SRPK2: variants seen among roughly 807,000 people sequenced by gnomAD.
The protein encoded by SRPK2 is SFRS protein kinase 2.
In SRPK2, 21 loss-of-function variants were observed where a neutral mutation model predicts 90.8. That is an observed-to-expected ratio of 0.23 (90% CI 0.16 to 0.33). The LOEUF is 0.33. SRPK2 is among the 10% of genes least tolerant of loss of function. SRPK2 has a pLI of 1.00. For synonymous variants in SRPK2, 288 were observed against 311.1 expected (o/e 0.93, Z 0.78); for missense variants, 620 against 869.0 (o/e 0.71, Z 3.60).
At chr7:105,292,827 G>A (rs1450587994) in intron 2 of SRPK2, among the ~76,000 whole-genome samples, 2 of 152,192 alleles carry the variant, frequency 1.3e-5, no homozygotes, top group African/African-American at 2.4e-5. Context: ...GCACTTGAAT[G>A]TTTATGAGTT....
intron 3 of SRPK2, among the ~76,000 whole-genome samples, chr7:105,188,145 A>G (rs1439110039): frequency 1.3e-5 from 2 of 152,276 alleles, no homozygotes; most frequent in Non-Finnish European, 2.9e-5. Flanking sequence ...CTGCTGTGAT[A>G]CATCCAGAAA....
At chr7:105,196,122 A>T (rs1794883178) in intron 3 of SRPK2, among the ~76,000 whole-genome samples, 1 of 152,210 alleles carries the variant, frequency 6.6e-6, no homozygotes, top group African/African-American at 2.4e-5. Context: ...AGGAGTCAGA[A>T]TCTCCTTGGT....
At position 105,303,631 on chromosome 7, in the gene SRPK2, T is replaced by A. The variant is rs560329521; in HGVS notation, c.71+85017A>T. ...TTAAGGAGGTTATGGCTGATGTCCATCCTGGCAGCATTATACACTGAAAAA... is the reference window on the plus strand; with the variant it reads ...TTAAGGAGGTTATGGCTGATGTCCAACCTGGCAGCATTATACACTGAAAAA... On this transcript the variant is annotated intron_variant, in intron 2 of 15. Transcript: ENST00000393651. 3.9e-5 allele frequency among the ~76,000 whole-genome samples: 6 copies of A among 152,100 alleles called. No individual in the cohort carries two copies. In the East Asian group the frequency reaches 1.2e-3, roughly 29 times the overall value.
chr7:105,261,031 A>AAAAC (rs1804180259), intron 2 of SRPK2, among the ~76,000 whole-genome samples: 2 of 151,502 alleles, frequency 1.3e-5, no homozygotes, highest in Non-Finnish European at 3.0e-5. Context: ...TTAAAAAAAA[A>AAAAC]AAAAAAAAAA....
At chr7:105,322,490 G>A (rs903953052) in intron 2 of SRPK2, among the ~76,000 whole-genome samples, 1 of 152,172 alleles carries the variant, frequency 6.6e-6, no homozygotes, top group Non-Finnish European at 1.5e-5. Flanking sequence ...AAAAGGTCAT[G>A]TGTTATATAA....
intron 2 of SRPK2, among the ~76,000 whole-genome samples, chr7:105,344,820 G>A (rs543532940): frequency 6.8e-6 from 1 of 147,140 alleles, no homozygotes; most frequent in East Asian, 2.0e-4. Flanking sequence ...AAGCCATTCA[G>A]GTTCACCCAC....
chr7:105,304,395 A>G lies in SRPK2; in HGVS notation c.71+84253T>C, dbSNP rs1035088508. 3.0e-4 allele frequency: 45 copies of G among 152,252 alleles called. 1 individual carries two copies. The highest frequency in any genetic ancestry group is 9.2e-4 in the African/African-American group (38 of 41,474). 9.4% of individuals were successfully genotyped at this position (152,252 alleles called of 1,614,324 possible). A position where few individuals can be genotyped will look rare whatever the true frequency, so the allele number is the denominator to read the frequency against. ...TGACCAATGAACATATTCAAATCCT[A>G]AAGAAGACCTTGGGGTACAATGGCA... On this transcript the variant is annotated intron_variant, in intron 2 of 15. Coordinates refer to ENST00000393651, the MANE Select transcript of SRPK2 (RefSeq NM_182692.3).
intron 2 of SRPK2, among the ~76,000 whole-genome samples, chr7:105,218,453 G>A (rs1199550163): frequency 6.6e-6 from 1 of 152,152 alleles, no homozygotes; most frequent in East Asian, 1.9e-4. Flanking sequence ...AATGCTCCAA[G>A]GAATCATTAC....
At chr7:105,389,193 C>T, upstream of SRPK2, 1 of 1,118,582 alleles carries the variant, frequency 8.9e-7, no homozygotes, top group Non-Finnish European at 1.1e-6. Context: ...CTCTCCCGGG[C>T]ACCGGACCCG....
intron 2 of SRPK2, among the ~76,000 whole-genome samples, chr7:105,226,313 TCTCA>T (rs1023967080): frequency 2.0e-5 from 3 of 151,652 alleles, no homozygotes; most frequent in African/African-American, 7.3e-5. Flanking sequence ...TTTAACAGAG[TCTCA>T]CTCACTCTAT....
chr7:105,280,761 C>G (rs937099943), intron 2 of SRPK2, among the ~76,000 whole-genome samples: 1 of 150,158 alleles, frequency 6.7e-6, no homozygotes, highest in Non-Finnish European at 1.5e-5. Flanking sequence ...TCCAGGCTAA[C>G]ACAGTGAAAC....
rs186069581 is a variant in SRPK2 at position 105,116,379 on chromosome 7, A to G, written c.*1459T>C. On this transcript the variant is annotated 3_prime_UTR_variant, in exon 16 of 16. Coordinates refer to ENST00000393651, the MANE Select transcript of SRPK2 (RefSeq NM_182692.3). ...GGGCAATGACCAAGGCAATGTCTGGAAAAAAAAAAACCAAAACACTTTAAT... is the reference window on the plus strand; with the variant it reads ...GGGCAATGACCAAGGCAATGTCTGGGAAAAAAAAAACCAAAACACTTTAAT... The G allele has an allele frequency of 2.6e-3, 386 of 147,420 alleles. 1 individual carries two copies. The highest frequency in any genetic ancestry group is 9.0e-3 in the African/African-American group (367 of 40,590). The allele number at this position is 147,420 out of a possible 1,614,324, so 9.1% of individuals were successfully genotyped here.
chr7:105,284,651 A>C (rs1240427284), intron 2 of SRPK2, among the ~76,000 whole-genome samples: 1 of 152,222 alleles, frequency 6.6e-6, no homozygotes, highest in Non-Finnish European at 1.5e-5. Context: ...GTACTCCCAC[A>C]CAGTACCCCT....
chr7:105,255,577 A>C (rs1359824288), intron 2 of SRPK2, among the ~76,000 whole-genome samples: 4 of 152,210 alleles, frequency 2.6e-5, no homozygotes, highest in Non-Finnish European at 5.9e-5. Context: ...ATAAAGCTTA[A>C]GTTCTACCAT....
upstream of SRPK2, chr7:105,389,279 C>T (rs556371506): frequency 9.4e-6 from 12 of 1,275,782 alleles, no homozygotes; most frequent in African/African-American, 1.6e-5. Context: ...TCCATGCGCC[C>T]GTCCTTGGCC....
At chr7:105,372,020 A>G (rs1283319504) in intron 2 of SRPK2, among the ~76,000 whole-genome samples, 1 of 151,812 alleles carries the variant, frequency 6.6e-6, no homozygotes, top group Non-Finnish European at 1.5e-5. Flanking sequence ...CTGTAGTCCC[A>G]GTTACTCAGG....
chr7:105,287,323 C>T (rs1787861610), intron 2 of SRPK2, among the ~76,000 whole-genome samples: 1 of 133,960 alleles, frequency 7.5e-6, no homozygotes, highest in South Asian at 2.4e-4. Flanking sequence ...TACTGATAAA[C>T]ATATCCAAAA....
intron 2 of SRPK2, among the ~76,000 whole-genome samples, chr7:105,373,487 C>T (rs1819939902): frequency 6.7e-6 from 1 of 150,054 alleles, no homozygotes; most frequent in Non-Finnish European, 1.5e-5. Flanking sequence ...ACTTCGACCT[C>T]CACCTCCCAG....
chr7:105,240,319 C>A (rs1338590077), intron 2 of SRPK2, among the ~76,000 whole-genome samples: 1 of 152,162 alleles, frequency 6.6e-6, no homozygotes. Context: ...AATACCATCA[C>A]ATTGGGGGTT....
Sources: gnomAD v4.1 joint callset for allele counts (sites outside exome capture counted in the v4.1 genomes callset) on GRCh38, gnomAD v4.1.1 for gene constraint, MANE v1.5 for transcripts, NCBI Gene and HGNC (gene_info 2026-07-23, HGNC 2026-07-21) for gene names.